The following GPC5 variants were observed in gnomAD, a reference collection of about 807,000 sequenced individuals.
GPC5 encodes the protein glypican 5.
Under a neutral mutation model 53.9 loss-of-function variants are expected in GPC5, and 47 were observed. That is an observed-to-expected ratio of 0.87 (90% confidence interval 0.69 to 1.11). GPC5 has a LOEUF of 1.11. Among genes scored for constraint, GPC5 ranks in the 50% most tolerant of loss-of-function variants. The pLI, the probability that GPC5 is intolerant of heterozygous loss-of-function variation, is 0.00. For missense variants in GPC5, 748 were observed against 713.1 expected, an observed-to-expected ratio of 1.05 and a Z score of -0.56; for synonymous variants, 286 against 263.3, an observed-to-expected ratio of 1.09 and a Z score of -0.84.
chr13:92,579,902 A>C (rs1883320486), intron 7 of GPC5, among the ~76,000 whole-genome samples: 2 of 152,112 alleles, frequency 1.3e-5, no homozygotes, highest in African/African-American at 2.4e-5. Flanking sequence ...CATTCTTAGC[A>C]GTTGTATCAC....
At chr13:91,664,473 A>C (rs1431693860) in intron 2 of GPC5, among the ~76,000 whole-genome samples, 2 of 152,204 alleles carry the variant, frequency 1.3e-5, no homozygotes, top group Non-Finnish European at 2.9e-5. Context: ...AGAAGTGTTT[A>C]ATTTTTCTGT....
At chr13:92,077,210 A>G (rs961082422) in intron 6 of GPC5, among the ~76,000 whole-genome samples, 13 of 152,190 alleles carry the variant, frequency 8.5e-5, no homozygotes, top group African/African-American at 3.1e-4. Context: ...CACCTTGGGC[A>G]CATGTTCTCA....
At chr13:91,737,684 G>T (rs921646748) in intron 4 of GPC5, among the ~76,000 whole-genome samples, 1 of 150,724 alleles carries the variant, frequency 6.6e-6, no homozygotes, top group Non-Finnish European at 1.5e-5. Flanking sequence ...AAATTTTGTT[G>T]TTTAAAATTA....
At chr13:92,369,965 GT>G (rs1245294719) in intron 7 of GPC5, among the ~76,000 whole-genome samples, 1 of 152,170 alleles carries the variant, frequency 6.6e-6, no homozygotes, top group Non-Finnish European at 1.5e-5. Context: ...TCTCATTAGT[GT>G]TTTTAGGCAG....
chr13:91,734,040 G>A (rs573741424), intron 4 of GPC5, among the ~76,000 whole-genome samples: 1 of 152,232 alleles, frequency 6.6e-6, no homozygotes, highest in East Asian at 1.9e-4. Flanking sequence ...AACATGAAGG[G>A]ATGTTGAATT....
chr13:92,499,051 G>A (rs1478385978), intron 7 of GPC5, among the ~76,000 whole-genome samples: 1 of 152,050 alleles, frequency 6.6e-6, no homozygotes, highest in Non-Finnish European at 1.5e-5. Flanking sequence ...AGTGTGATGT[G>A]TGGGACCAAG....
chr13:91,508,849 A>C (rs544632396), intron 2 of GPC5, among the ~76,000 whole-genome samples: 5 of 152,224 alleles, frequency 3.3e-5, no homozygotes, highest in Non-Finnish European at 7.3e-5. Flanking sequence ...CATTTTAAAC[A>C]TAGGCAGCTG....
At chr13:92,500,087 G>GT (rs1341502336) in intron 7 of GPC5, among the ~76,000 whole-genome samples, 1 of 152,128 alleles carries the variant, frequency 6.6e-6, no homozygotes, top group Non-Finnish European at 1.5e-5. Flanking sequence ...ACTCAAGTTA[G>GT]CCTGAAAGAT....
intron 2 of GPC5, among the ~76,000 whole-genome samples, chr13:91,652,139 A>C (rs760721162): frequency 7.2e-5 from 11 of 152,188 alleles, no homozygotes; most frequent in Non-Finnish European, 1.5e-4. Context: ...GATAGTCCTG[A>C]TCTCAATTGT....
chr13:92,085,175 T>C (rs1416294295), intron 6 of GPC5, among the ~76,000 whole-genome samples: 2 of 152,200 alleles, frequency 1.3e-5, no homozygotes, highest in Non-Finnish European at 2.9e-5. Flanking sequence ...CACAAACATT[T>C]AGACCATAGC....
Position 92,309,077 on chromosome 13 carries a change from A to C in GPC5, c.1561+164088A>C, listed in dbSNP as rs553911180. ...CACTAGCACTTTTTTAAAAAATAAA[A>C]GCTGTTGAAAATAAGATAGCATCTG... On this transcript the variant is annotated intron_variant, in intron 7 of 7. Coordinates refer to ENST00000377067, the MANE Select transcript of GPC5 (RefSeq NM_004466.6). 5.3e-5 allele frequency among the ~76,000 whole-genome samples: 8 copies of C among 152,282 alleles called. No homozygotes were observed. In the South Asian group the frequency reaches 1.7e-3, roughly 32 times the overall value.
At chr13:92,253,695 A>G (rs544131885) in intron 7 of GPC5, among the ~76,000 whole-genome samples, 1 of 152,118 alleles carries the variant, frequency 6.6e-6, no homozygotes, top group Non-Finnish European at 1.5e-5. Flanking sequence ...TACTCTAAGT[A>G]AGTGAATAAT....
chr13:91,674,419 A>G (rs1008978521), intron 2 of GPC5, among the ~76,000 whole-genome samples: 1 of 150,634 alleles, frequency 6.6e-6, no homozygotes, highest in African/African-American at 2.4e-5. Flanking sequence ...ATATACACAC[A>G]CACATATATA....
At chr13:92,273,104 TTTTC>T (rs1367479645) in intron 7 of GPC5, among the ~76,000 whole-genome samples, 2 of 152,250 alleles carry the variant, frequency 1.3e-5, no homozygotes, top group Non-Finnish European at 1.5e-5. Flanking sequence ...AAACAGGACT[TTTTC>T]TTGTTGTTTT....
chr13:92,564,712 T>C (rs1213669806), intron 7 of GPC5, among the ~76,000 whole-genome samples: 1 of 151,978 alleles, frequency 6.6e-6, no homozygotes, highest in East Asian at 1.9e-4. Context: ...TGTCTATTGT[T>C]CCCATCTTTA....
chr13:92,776,351 C>A (rs1875805543), intron 7 of GPC5, among the ~76,000 whole-genome samples: 1 of 152,160 alleles, frequency 6.6e-6, no homozygotes, highest in African/African-American at 2.4e-5. Flanking sequence ...CACTCCCCTT[C>A]CTTTGCCTCC....
At chr13:91,868,057 T>C (rs942571771) in intron 5 of GPC5, among the ~76,000 whole-genome samples, 1 of 152,290 alleles carries the variant, frequency 6.6e-6, no homozygotes, top group African/African-American at 2.4e-5. Context: ...AACTGTTAAA[T>C]TGAAATCATA....
At chr13:91,414,011 A>G (rs1878003032) in intron 1 of GPC5, among the ~76,000 whole-genome samples, 1 of 152,132 alleles carries the variant, frequency 6.6e-6, no homozygotes, top group Non-Finnish European at 1.5e-5. Flanking sequence ...ATGATAGCGT[A>G]TTGGTTTTAT....
At chr13:91,892,741 T>G (rs994802645) in intron 5 of GPC5, among the ~76,000 whole-genome samples, 2 of 151,902 alleles carry the variant, frequency 1.3e-5, no homozygotes, top group African/African-American at 4.8e-5. Flanking sequence ...AAAATTATAT[T>G]TATGTTTAGC....
Sources: gnomAD v4.1 joint callset for allele counts (sites outside exome capture counted in the v4.1 genomes callset) on GRCh38, gnomAD v4.1.1 for gene constraint, MANE v1.5 for transcripts, NCBI Gene and HGNC (gene_info 2026-07-23, HGNC 2026-07-21) for gene names.